Variants in FGF12 observed in about 807,000 individuals in gnomAD.
FGF12 encodes fibroblast growth factor 12.
Under a neutral mutation model 23.6 loss-of-function variants are expected in FGF12, and 14 were observed. The ratio of observed to expected loss-of-function variants is 0.59; its 90% confidence interval spans 0.39 to 0.93. FGF12 has a LOEUF of 0.93. Ranked by LOEUF, FGF12 falls within the 40% of genes least tolerant of loss-of-function variation. The pLI, the probability that FGF12 is intolerant of heterozygous loss-of-function variation, is 0.00. For synonymous variants in FGF12, 62 were observed against 77.3 expected (o/e 0.80, Z 1.04); for missense variants, 175 against 217.8 (o/e 0.80, Z 1.24).
rs76113663 is a variant in FGF12, at chr3:192,500,350, T to A, written c.14-139812A>T. Among the ~76,000 whole-genome samples the A allele has an allele frequency of 2.4e-3, 367 of 152,292 alleles. 15 individuals are homozygous for A. In the East Asian group the frequency reaches 0.067, roughly 28 times the overall value. On this transcript the variant is annotated intron_variant, in intron 2 of 5. Transcript: ENST00000445105. ...GGTGAGATGACAAGAGTGCACCTAT[T>A]TACAATTGAAGGTCTAGAAAATAGA...
intron 4 of FGF12, among the ~76,000 whole-genome samples, chr3:192,334,094 T>C (rs1717267534): frequency 6.6e-6 from 1 of 152,074 alleles, no homozygotes. Context: ...TAATGAAAAC[T>C]CAGGGAAGAG....
At chr3:192,330,527 T>G (rs189388629) in intron 4 of FGF12, among the ~76,000 whole-genome samples, 4 of 152,092 alleles carry the variant, frequency 2.6e-5, no homozygotes, top group Admixed American at 6.6e-5. Context: ...TGCAAAAGAA[T>G]GAAACTGGAC....
chr3:192,431,419 C>T lies in FGF12; in HGVS notation c.14-70881G>A, dbSNP rs150876981. On this transcript the variant is annotated intron_variant, in intron 2 of 5. Coordinates refer to ENST00000445105, the MANE Select transcript of FGF12 (RefSeq NM_004113.6). ...TGGTAAAGCTGTATTAAAAAGAAAA[C>T]GTGTGAAGGAGAATTTAAAAAGCAT... Among the ~76,000 whole-genome samples, 862 of 152,210 alleles carry T rather than the reference C, an allele frequency of 5.7e-3. 3 individuals are homozygous for T. The highest frequency in any genetic ancestry group is 0.017 in the Middle Eastern group (5 of 294).
Position 192,727,168 on chromosome 3 carries a change from G to A in FGF12, c.13+13C>T. The A allele has an allele frequency of 2.5e-6, 4 of 1,576,664 alleles. No homozygotes were observed. The highest frequency in any genetic ancestry group is 3.4e-6 in the Non-Finnish European group (4 of 1,161,046). On this transcript the variant is annotated intron_variant, in intron 2 of 5. Coordinates refer to ENST00000445105, the MANE Select transcript of FGF12 (RefSeq NM_004113.6). ...ATGCAGCGGGAAGTCCCCCGATAGG[G>A]ACAACCACATACCTTTGCTCTCCAT...
chr3:192,704,572 C>T (rs1191008154), intron 2 of FGF12, among the ~76,000 whole-genome samples: 2 of 152,110 alleles, frequency 1.3e-5, no homozygotes, highest in Non-Finnish European at 2.9e-5. Flanking sequence ...TAACATAATT[C>T]TCAAGGGCCC....
At chr3:192,330,174 C>A (rs1157863999) in intron 4 of FGF12, among the ~76,000 whole-genome samples, 4 of 152,122 alleles carry the variant, frequency 2.6e-5, no homozygotes, top group Non-Finnish European at 4.4e-5. Context: ...ATATTCAATA[C>A]AATTCCTATC....
At chr3:192,305,183 CTT>C (rs1022696983) in intron 4 of FGF12, among the ~76,000 whole-genome samples, 2 of 152,098 alleles carry the variant, frequency 1.3e-5, no homozygotes, top group African/African-American at 4.8e-5. Flanking sequence ...AAATACAACT[CTT>C]AGACCATTTT....
In FGF12 at chr3:192,591,338, A is replaced by G. The variant is rs545670842; in HGVS notation, c.13+135843T>C. On this transcript the variant is annotated intron_variant, in intron 2 of 5. Coordinates refer to ENST00000445105, the MANE Select transcript of FGF12 (RefSeq NM_004113.6). The stretch of plus-strand genomic sequence containing the variant: ...TAGAGACTCAATTTGTCATCATGAG[A>G]GAATCTTTCACTTCTGGACATGCTC... Among the ~76,000 whole-genome samples the G allele has an allele frequency of 5.3e-5, 8 of 151,806 alleles. No homozygotes were observed. The South Asian group carries it at 1.7e-3, about 32-fold the overall frequency.
Position 192,621,564 on chromosome 3 carries a change from G to A in FGF12, c.13+105617C>T, listed in dbSNP as rs1714975734. Among the ~76,000 whole-genome samples the A allele has an allele frequency of 3.3e-5, 5 of 151,922 alleles. 1 individual carries two copies. The South Asian group carries it at 8.3e-4, about 25-fold the overall frequency. On this transcript the variant is annotated intron_variant, in intron 2 of 5. Transcript: ENST00000445105. The stretch of plus-strand genomic sequence containing the variant: ...ATTTTAGAGTAGAGATAATATAGAC[G>A]ACTCGTGGAGCATAGTGCCTGTCAA...
At chr3:192,628,706 CATAA>C (rs1715274007) in intron 2 of FGF12, among the ~76,000 whole-genome samples, 2 of 149,038 alleles carry the variant, frequency 1.3e-5, no homozygotes, top group Admixed American at 1.4e-4. Context: ...TATATATACA[CATAA>C]ATATATACAT....
intron 2 of FGF12, among the ~76,000 whole-genome samples, chr3:192,632,987 T>A (rs1320583601): frequency 6.6e-6 from 1 of 152,132 alleles, no homozygotes; most frequent in Non-Finnish European, 1.5e-5. Flanking sequence ...TCTGCTTTCA[T>A]CCCCACTTTG....
rs78261437 is a variant in FGF12 at position 192,421,392 on chromosome 3, G to A, written c.14-60854C>T. ...ATAAGAAAAAAAAGTATATAGTCTA[G>A]AGTACCCAAATATTTTCAATGTGAC... is the stretch of plus-strand genomic sequence containing the variant. On this transcript the variant is annotated intron_variant, in intron 2 of 5. Transcript: ENST00000445105. Among the ~76,000 whole-genome samples, 838 of 150,112 alleles carry A rather than the reference G, an allele frequency of 5.6e-3. 7 individuals carry two copies. Among genetic ancestry groups the A allele is most frequent in the Non-Finnish European group, 7.9e-3 (532 of 67,706 alleles).
chr3:192,511,270 C>T (rs1378535100), intron 2 of FGF12, among the ~76,000 whole-genome samples: 1 of 151,566 alleles, frequency 6.6e-6, no homozygotes, highest in African/African-American at 2.4e-5. Context: ...ACTATTACTA[C>T]TACTGTAGGG....
chr3:192,155,023 G>A (rs1427974373), intron 5 of FGF12, among the ~76,000 whole-genome samples: 1 of 148,516 alleles, frequency 6.7e-6, no homozygotes, highest in Non-Finnish European at 1.5e-5. Flanking sequence ...GTGGTGCGCC[G>A]TTTTTTAAGC....
chr3:192,525,836 A>G (rs1269755166), intron 2 of FGF12, among the ~76,000 whole-genome samples: 2 of 152,064 alleles, frequency 1.3e-5, no homozygotes, highest in Non-Finnish European at 2.9e-5. Context: ...GTGCAGTGGC[A>G]CCGTCTTGGC....
At chr3:192,686,458 C>A (rs912760920) in intron 2 of FGF12, among the ~76,000 whole-genome samples, 2 of 152,106 alleles carry the variant, frequency 1.3e-5, no homozygotes, top group African/African-American at 4.8e-5. Flanking sequence ...CCAGTTTGGG[C>A]ACCCACCATT....
rs1356150373 is a variant in FGF12 at position 192,445,506 on chromosome 3, G to T, written c.14-84968C>A. Among the ~76,000 whole-genome samples the T allele has an allele frequency of 2.0e-5, 3 of 152,220 alleles. 1 individual carries two copies. Among genetic ancestry groups the T allele is most frequent in the African/African-American group, 7.2e-5 (3 of 41,560 alleles). ...TAGAAAGCTTTCCCAATTTATTCTAGAAAATTCAAACAGATGCCTTTTCCT... is the reference window on the plus strand; with the variant it reads ...TAGAAAGCTTTCCCAATTTATTCTATAAAATTCAAACAGATGCCTTTTCCT... On this transcript the variant is annotated intron_variant, in intron 2 of 5. Transcript: ENST00000445105.
intron 2 of FGF12, among the ~76,000 whole-genome samples, chr3:192,492,107 T>C (rs914121024): frequency 3.3e-5 from 5 of 152,182 alleles, no homozygotes; most frequent in Non-Finnish European, 7.4e-5. Context: ...TTTGGTGGCA[T>C]CGCAGGAAGA....
chr3:192,229,069 A>T (rs988633920), intron 4 of FGF12, among the ~76,000 whole-genome samples: 2 of 152,106 alleles, frequency 1.3e-5, no homozygotes, highest in Admixed American at 1.3e-4. Context: ...ATTGGAGCTC[A>T]TTGAGAGTAA....
Sources: allele counts gnomAD v4.1 joint callset (sites outside exome capture counted in the v4.1 genomes callset), GRCh38; gene constraint gnomAD v4.1.1; transcripts MANE v1.5; gene names NCBI Gene and HGNC (gene_info 2026-07-23, HGNC 2026-07-21).